The following SLC4A4 variants were observed in gnomAD, a reference collection of about 807,000 sequenced individuals.
SLC4A4 encodes solute carrier family 4 member 4.
A neutral mutation model predicts 111.5 loss-of-function variants in SLC4A4; 27 were observed. The observed-to-expected ratio is 0.24, with a 90% CI of 0.18 to 0.33. SLC4A4 has a LOEUF of 0.33. Ranked by LOEUF, SLC4A4 falls within the 10% of genes least tolerant of loss-of-function variation. The probability of loss-of-function intolerance (pLI) is 1.00; values close to 1 mark genes in which losing one functional copy is unlikely to be tolerated. For synonymous variants in SLC4A4, 443 were observed against 463.4 expected (o/e 0.96, Z 0.57); for missense variants, 909 against 1,315.5 (o/e 0.69, Z 4.78).
chr4:71,185,469 C>T (rs1415047757), upstream of SLC4A4, among the ~76,000 whole-genome samples: 1 of 152,138 alleles, frequency 6.6e-6, no homozygotes, highest in Non-Finnish European at 1.5e-5. Flanking sequence ...TTTTGAGTTT[C>T]CCATGAAAAA....
chr4:71,134,435 A>G (rs997620419), intron 2 of SLC4A4, among the ~76,000 whole-genome samples: 3 of 152,216 alleles, frequency 2.0e-5, no homozygotes, highest in Non-Finnish European at 2.9e-5. Flanking sequence ...TGTCTACACC[A>G]GTTTTCCTGT....
chr4:71,330,724 A>G (rs1387271214), intron 3 of SLC4A4, among the ~76,000 whole-genome samples: 11 of 152,234 alleles, frequency 7.2e-5, no homozygotes, highest in Non-Finnish European at 1.3e-4. Context: ...AAAAGCCAAA[A>G]TTGACAAATG....
chr4:71,421,055 G>C (rs1472591315), intron 7 of SLC4A4, among the ~76,000 whole-genome samples: 1 of 148,240 alleles, frequency 6.7e-6, no homozygotes, highest in African/African-American at 2.5e-5. Flanking sequence ...TGGATAAAGA[G>C]TCAAGACCCA....
intron 7 of SLC4A4, among the ~76,000 whole-genome samples, chr4:71,428,870 A>G (rs893023907): frequency 4.6e-5 from 7 of 152,066 alleles, no homozygotes; most frequent in African/African-American, 1.7e-4. Context: ...AAGAACGAGA[A>G]AGTATACTCA....
chr4:71,195,156 G>A (rs1745929820), intron 1 of SLC4A4, among the ~76,000 whole-genome samples: 1 of 150,734 alleles, frequency 6.6e-6, no homozygotes, highest in Non-Finnish European at 1.5e-5. Flanking sequence ...AAGAAACTTG[G>A]ATTTCTATAT....
chr4:71,137,047 A>T lies in SLC4A4; in HGVS notation c.-2+44255A>T, dbSNP rs149182351. ...CTACAGGAACTTTTGAGAATATAAT[A>T]TCATGACCAGTCTGGCTCCCTTACC... On this transcript the variant is annotated intron_variant, in intron 2 of 26. Coordinates refer to the SLC4A4 transcript ENST00000649996. Among the ~76,000 whole-genome samples the T allele has an allele frequency of 4.8e-4, 73 of 152,228 alleles. No homozygotes were observed. The East Asian group carries it at 0.013, about 28-fold the overall frequency.
chr4:71,535,639 T>A (rs977007042), intron 18 of SLC4A4, among the ~76,000 whole-genome samples: 1 of 152,020 alleles, frequency 6.6e-6, no homozygotes, highest in African/African-American at 2.4e-5. Context: ...TGCCTCAATA[T>A]TGATATGATT....
Position 71,357,134 on chromosome 4 carries a change from A to T in SLC4A4, c.677A>T (p.Asp226Val). The T allele has an allele frequency of 6.2e-7, 1 of 1,614,222 alleles. No individual in the cohort carries two copies. The highest frequency in any genetic ancestry group is 8.5e-7 in the Non-Finnish European group (1 of 1,180,034). ...TKKSNLRSLADIGKTVSSASR... is the reference protein window; with the variant it reads ...TKKSNLRSLAVIGKTVSSASR... ...AAATCCAACCTTCGGTCCCTGGCTG[A>T]CATTGGGAAGACAGTCTCCAGTGCA... Residue 226 changes from aspartate (D) to valine (V), a missense_variant, in exon 6 of 26, where the codon GAC becomes GTC. Coordinates refer to ENST00000264485, the MANE Select transcript of SLC4A4 (RefSeq NM_001098484.3).
chr4:71,461,008 G>A (rs1293163350), intron 12 of SLC4A4, among the ~76,000 whole-genome samples: 1 of 151,942 alleles, frequency 6.6e-6, no homozygotes, highest in Non-Finnish European at 1.5e-5. Flanking sequence ...AATTCATATA[G>A]GTTAATTCTG....
At chr4:71,277,968 C>A (rs552555755) in intron 3 of SLC4A4, among the ~76,000 whole-genome samples, 1 of 152,120 alleles carries the variant, frequency 6.6e-6, no homozygotes, top group African/African-American at 2.4e-5. Context: ...ACATTTAAGA[C>A]CTACTTGTAG....
At chr4:71,348,688 A>C (rs911353928) in intron 4 of SLC4A4, among the ~76,000 whole-genome samples, 9 of 152,120 alleles carry the variant, frequency 5.9e-5, no homozygotes, top group Non-Finnish European at 1.2e-4. Flanking sequence ...TTAACATTCT[A>C]AATTTTCTTT....
At chr4:71,240,983 G>A (rs542661705) in intron 2 of SLC4A4, among the ~76,000 whole-genome samples, 3 of 151,922 alleles carry the variant, frequency 2.0e-5, no homozygotes, top group Non-Finnish European at 4.4e-5. Flanking sequence ...ATAGCTGGGT[G>A]TTGTGCATGC....
intron 6 of SLC4A4, among the ~76,000 whole-genome samples, chr4:71,384,432 G>C (rs1283347426): frequency 6.6e-6 from 1 of 152,072 alleles, no homozygotes; most frequent in Non-Finnish European, 1.5e-5. Flanking sequence ...ATTGCTAAGA[G>C]TGTATCACTT....
rs146104970 is a variant in SLC4A4 at position 71,259,196 on chromosome 4, G to C, written c.253+3797G>C. On this transcript the variant is annotated intron_variant, in intron 3 of 25. Transcript: ENST00000264485. The stretch of plus-strand genomic sequence containing the variant: ...TAAACGAAATATCTTCCAGTATTTA[G>C]GCACATTAAGGAGATGGCATAATTA... Among the ~76,000 whole-genome samples the C allele has an allele frequency of 3.0e-3, 464 of 152,300 alleles. 4 individuals carry two copies. Among genetic ancestry groups the C allele is most frequent in the African/African-American group, 0.011 (444 of 41,576 alleles).
chr4:71,556,695 T>C (rs1736501739), intron 21 of SLC4A4, among the ~76,000 whole-genome samples: 2 of 151,904 alleles, frequency 1.3e-5, no homozygotes, highest in African/African-American at 4.8e-5. Context: ...ATTTTGTAAT[T>C]TGTAAAGAAA....
intron 7 of SLC4A4, among the ~76,000 whole-genome samples, chr4:71,424,086 T>G (rs1329401434): frequency 6.6e-6 from 1 of 152,102 alleles, no homozygotes. Flanking sequence ...TTTCGCAACC[T>G]ACTCTTCTGA....
intron 1 of SLC4A4, among the ~76,000 whole-genome samples, chr4:71,213,779 C>T (rs546142398): frequency 1.3e-5 from 2 of 152,174 alleles, no homozygotes; most frequent in East Asian, 1.9e-4. Flanking sequence ...AAGAGACATG[C>T]GAGAGATGAT....
intron 4 of SLC4A4, 133 bp downstream of exon 4, chr4:71,339,638 G>A: frequency 3.8e-6 from 3 of 797,942 alleles, no homozygotes; most frequent in Non-Finnish European, 6.3e-6. Flanking sequence ...CTGGGATAAG[G>A]AGTAAATAAT....
chr4:71,148,281 A>G (rs917668852), intron 2 of SLC4A4, among the ~76,000 whole-genome samples: 3 of 152,060 alleles, frequency 2.0e-5, no homozygotes, highest in African/African-American at 7.3e-5. Context: ...TCTCTGGGCT[A>G]AAGTTTTTCC....
Sources: allele counts gnomAD v4.1 joint callset (sites outside exome capture counted in the v4.1 genomes callset), GRCh38; gene constraint gnomAD v4.1.1; transcripts MANE v1.5; gene names NCBI Gene and HGNC (gene_info 2026-07-23, HGNC 2026-07-21).